BNC2: variants seen among roughly 807,000 people sequenced by gnomAD.
BNC2 encodes basonuclin zinc finger protein 2, also known as zinc finger protein basonuclin-2.
BNC2 carries 20 observed loss-of-function variants against 76.3 expected under a neutral mutation model. That is an observed-to-expected ratio of 0.26 (90% CI 0.18 to 0.38). BNC2 has a LOEUF of 0.38. Ranked by LOEUF, BNC2 falls within the 10% of genes least tolerant of loss-of-function variation. BNC2 has a pLI of 1.00. For missense variants in BNC2, 1,382 were observed against 1,399.8 expected, an observed-to-expected ratio of 0.99 and a Z score of 0.20; for synonymous variants, 582 against 514.8, an observed-to-expected ratio of 1.13 and a Z score of -1.77.
intron 5 of BNC2, among the ~76,000 whole-genome samples, chr9:16,516,815 C>T (rs566267448): frequency 9.2e-5 from 14 of 152,274 alleles, no homozygotes; most frequent in African/African-American, 3.1e-4. Flanking sequence ...TTAAAAGCAT[C>T]TCTTATGCTT....
intron 5 of BNC2, among the ~76,000 whole-genome samples, chr9:16,478,246 C>T (rs1476849430): frequency 6.6e-6 from 1 of 152,154 alleles, no homozygotes; most frequent in Admixed American, 6.5e-5. Context: ...TTCTGGCAGG[C>T]TTTTCTCCAG....
intron 1 of BNC2, among the ~76,000 whole-genome samples, chr9:16,814,328 A>G (rs752829950): frequency 5.3e-5 from 8 of 152,214 alleles, no homozygotes; most frequent in Non-Finnish European, 1.2e-4. Context: ...TAGGCACTCA[A>G]TATGTCTTTA....
chr9:16,479,077 C>A (rs1440346731), intron 5 of BNC2, among the ~76,000 whole-genome samples: 1 of 151,992 alleles, frequency 6.6e-6, no homozygotes, highest in African/African-American at 2.4e-5. Context: ...CATGGTGAAA[C>A]CCTGTCTCTA....
At chr9:16,492,922 C>T (rs1417275856) in intron 5 of BNC2, among the ~76,000 whole-genome samples, 1 of 152,012 alleles carries the variant, frequency 6.6e-6, no homozygotes, top group African/African-American at 2.4e-5. Context: ...TTACAGGCAT[C>T]ACTAAGATGA....
At position 16,854,954 on chromosome 9, in the gene BNC2, T is replaced by A. The variant is rs538579370; in HGVS notation, c.3+15692A>T. 5.3e-5 allele frequency among the ~76,000 whole-genome samples: 8 copies of A among 151,964 alleles called. No individual in the cohort carries two copies. In the South Asian group the frequency reaches 1.5e-3, roughly 28 times the overall value. ...GGAGGAGAAGACCCTCAGGCCCCCATCCCACCCTTAATATTCTCTGCTGAA... is the reference window on the plus strand; with the variant it reads ...GGAGGAGAAGACCCTCAGGCCCCCAACCCACCCTTAATATTCTCTGCTGAA... On this transcript the variant is annotated intron_variant, in intron 1 of 6. Transcript: ENST00000380672.
chr9:16,602,540 C>G (rs1820271688), intron 3 of BNC2, among the ~76,000 whole-genome samples: 1 of 152,176 alleles, frequency 6.6e-6, no homozygotes, highest in South Asian at 2.1e-4. Context: ...TCTACAATGT[C>G]TTTTCAGTGG....
At chr9:16,868,934 T>C (rs1319752274) in intron 1 of BNC2, among the ~76,000 whole-genome samples, 3 of 152,230 alleles carry the variant, frequency 2.0e-5, no homozygotes, top group Non-Finnish European at 4.4e-5. Flanking sequence ...CATGTATGCG[T>C]GTGGACAGTA....
At chr9:16,787,739 G>A (rs1188614264) in intron 1 of BNC2, among the ~76,000 whole-genome samples, 2 of 152,094 alleles carry the variant, frequency 1.3e-5, no homozygotes, top group Non-Finnish European at 2.9e-5. Flanking sequence ...TTGTAGAGAC[G>A]AGGGTCTCAC....
At chr9:16,726,966 C>T (rs1217464383) in intron 3 of BNC2, 2 of 152,280 alleles carry the variant, frequency 1.3e-5, no homozygotes, top group African/African-American at 4.8e-5. Context: ...GTACGAGCCG[C>T]CGGCTCCGGT....
intron 3 of BNC2, among the ~76,000 whole-genome samples, chr9:16,671,581 C>T (rs1305529721): frequency 6.6e-6 from 1 of 152,288 alleles, no homozygotes; most frequent in South Asian, 2.1e-4. Flanking sequence ...AGCTCTGGTC[C>T]TATGCATCAC....
At chr9:16,682,754 T>C (rs532822915) in intron 3 of BNC2, among the ~76,000 whole-genome samples, 49 of 152,334 alleles carry the variant, frequency 3.2e-4, no homozygotes, top group Non-Finnish European at 6.5e-4. Context: ...AGCACTTCAG[T>C]GGTGAAAAAT....
intron 1 of BNC2, among the ~76,000 whole-genome samples, chr9:16,765,891 A>G (rs1825677998): frequency 6.7e-6 from 1 of 149,418 alleles, no homozygotes; most frequent in Non-Finnish European, 1.5e-5. Context: ...GGTTCACGCC[A>G]TTCTCCTGCC....
intron 1 of BNC2, among the ~76,000 whole-genome samples, chr9:16,824,244 GT>G (rs556369790): frequency 8.8e-4 from 133 of 151,778 alleles, no homozygotes; most frequent in Non-Finnish European, 1.8e-3. Flanking sequence ...GTGTTAAAGG[GT>G]TTTTTTTGGT....
intron 5 of BNC2, among the ~76,000 whole-genome samples, chr9:16,464,706 G>T (rs1248134029): frequency 6.6e-6 from 1 of 152,078 alleles, no homozygotes; most frequent in Non-Finnish European, 1.5e-5. Flanking sequence ...ACAGGTGCCT[G>T]CCACCACGCC....
At chr9:16,736,770 G>A (rs1184372134) in intron 2 of BNC2, among the ~76,000 whole-genome samples, 1 of 149,000 alleles carries the variant, frequency 6.7e-6, no homozygotes, top group Non-Finnish European at 1.5e-5. Context: ...CACTGGGCCC[G>A]ACCTATTGTT....
intron 1 of BNC2, among the ~76,000 whole-genome samples, chr9:16,818,391 G>C (rs1043237622): frequency 6.6e-6 from 1 of 152,096 alleles, no homozygotes; most frequent in Non-Finnish European, 1.5e-5. Context: ...GCAACAAAGC[G>C]AGACTCCGTC....
chr9:16,666,444 G>A (rs893257970), intron 3 of BNC2, among the ~76,000 whole-genome samples: 6 of 150,292 alleles, frequency 4.0e-5, no homozygotes, highest in African/African-American at 7.4e-5. Flanking sequence ...GATATTTAAC[G>A]TGCTTCATTA....
chr9:16,744,248 C>T (rs1225646267), intron 1 of BNC2, among the ~76,000 whole-genome samples: 2 of 152,122 alleles, frequency 1.3e-5, no homozygotes, highest in Non-Finnish European at 2.9e-5. Flanking sequence ...GGATTACAGG[C>T]GTAAGCCACC....
chr9:16,845,502 A>G (rs1017107301), intron 1 of BNC2, among the ~76,000 whole-genome samples: 1 of 152,004 alleles, frequency 6.6e-6, no homozygotes, highest in Non-Finnish European at 1.5e-5. Context: ...CGGGCGGATC[A>G]CAAGGTCAGG....
Sources: allele counts gnomAD v4.1 joint callset (sites outside exome capture counted in the v4.1 genomes callset), GRCh38; gene constraint gnomAD v4.1.1; transcripts MANE v1.5; gene names NCBI Gene and HGNC (gene_info 2026-07-23, HGNC 2026-07-21).